SYN2: variants seen among roughly 807,000 people sequenced by gnomAD.
SYN2 encodes the protein synapsin-2.
SYN2 carries 19 observed loss-of-function variants against 50.9 expected under a neutral mutation model. The observed-to-expected ratio is 0.37, with a 90% confidence interval of 0.26 to 0.55. The LOEUF is 0.55. Ranked by LOEUF, SYN2 falls within the 20% of genes least tolerant of loss-of-function variation. SYN2 has a pLI of 0.81. For synonymous variants in SYN2, 255 were observed against 224.9 expected, an observed-to-expected ratio of 1.13 and a Z score of -1.20; for missense variants, 587 against 576.4, an observed-to-expected ratio of 1.02 and a Z score of -0.19.
intron 1 of SYN2, among the ~76,000 whole-genome samples, chr3:12,040,016 A>G (rs1057476105): frequency 1.3e-5 from 2 of 152,282 alleles, no homozygotes; most frequent in African/African-American, 4.8e-5. Flanking sequence ...AATACTCATT[A>G]TTTACTTAGC....
At chr3:12,115,965 G>C (rs1696425226) in intron 1 of SYN2, among the ~76,000 whole-genome samples, 1 of 152,084 alleles carries the variant, frequency 6.6e-6, no homozygotes, top group Admixed American at 6.6e-5. Flanking sequence ...TTCACTTTTA[G>C]GTAAGTGCCT....
At chr3:12,020,346 T>TA (rs1362323077) in intron 1 of SYN2, among the ~76,000 whole-genome samples, 3 of 135,384 alleles carry the variant, frequency 2.2e-5, no homozygotes, top group African/African-American at 8.1e-5. Context: ...CCCACATAAT[T>TA]AGTCCCTCTT....
intron 1 of SYN2, among the ~76,000 whole-genome samples, chr3:12,018,689 T>C (rs944442833): frequency 6.6e-6 from 1 of 152,234 alleles, no homozygotes; most frequent in African/African-American, 2.4e-5. Flanking sequence ...GCTATTCTTC[T>C]CTGAATCTCA....
At chr3:12,013,362 G>T (rs191569393) in intron 1 of SYN2, among the ~76,000 whole-genome samples, 1 of 151,956 alleles carries the variant, frequency 6.6e-6, no homozygotes, top group African/African-American at 2.4e-5. Context: ...ATGTTCCTCC[G>T]GGCCCCCTTT....
At chr3:12,082,002 G>A (rs1462447319) in intron 1 of SYN2, among the ~76,000 whole-genome samples, 2 of 152,120 alleles carry the variant, frequency 1.3e-5, no homozygotes, top group African/African-American at 4.8e-5. Context: ...ATGTGTGTTG[G>A]GGATCCCCAG....
chr3:12,104,468 A>G (rs1370002540), intron 1 of SYN2, among the ~76,000 whole-genome samples: 5 of 151,856 alleles, frequency 3.3e-5, no homozygotes, highest in Non-Finnish European at 7.4e-5. Context: ...GAGCAATGTG[A>G]TTAATATGTA....
Position 12,101,178 on chromosome 3 carries a change from G to A in SYN2, c.378-39473G>A, listed in dbSNP as rs187506758. The stretch of plus-strand genomic sequence containing the variant: ...TATATATCCACGCAAAAACTTGTAC[G>A]TGAAAAATTCTCATGACAGCATGGT... On this transcript the variant is annotated intron_variant, in intron 1 of 12. Transcript: ENST00000621198. Among the ~76,000 whole-genome samples, 12 of 152,268 alleles carry A rather than the reference G, an allele frequency of 7.9e-5. No individual in the cohort carries two copies. The East Asian group carries it at 1.7e-3, about 22-fold the overall frequency.
At chr3:12,048,155 C>G (rs1419789754) in intron 1 of SYN2, among the ~76,000 whole-genome samples, 18 of 151,962 alleles carry the variant, frequency 1.2e-4, no homozygotes, top group Admixed American at 1.2e-3. Flanking sequence ...TTTTACTTTC[C>G]CAAGGGCTTA....
intron 1 of SYN2, among the ~76,000 whole-genome samples, chr3:12,006,388 C>T (rs556677470): frequency 4.2e-4 from 64 of 152,250 alleles, no homozygotes; most frequent in African/African-American, 1.5e-3. Context: ...CCACTGGCAG[C>T]CCTCCTTAGA....
intron 10 of SYN2, among the ~76,000 whole-genome samples, chr3:12,181,784 C>T (rs533500339): frequency 1.4e-4 from 22 of 152,068 alleles, no homozygotes; most frequent in Non-Finnish European, 2.4e-4. Context: ...CAAAGTTAGT[C>T]CAGGGAAGAT....
intron 4 of SYN2, chr3:12,148,536 C>A (rs1275075136): frequency 6.6e-6 from 1 of 152,306 alleles, no homozygotes; most frequent in Non-Finnish European, 1.5e-5. Context: ...CTCTGCCTTG[C>A]ACAGCTGTGT....
In SYN2 at chr3:12,069,812, G is replaced by GT. The variant is rs1216470059; in HGVS notation, c.377+64896dup. 2.2e-3 allele frequency among the ~76,000 whole-genome samples: 308 copies of GT among 141,940 alleles called. 1 individual carries two copies. Among genetic ancestry groups the GT allele is most frequent in the East Asian group, 7.7e-3 (38 of 4,934 alleles). 93.1% of individuals were successfully genotyped at this position (141,940 alleles called of 152,430 possible). ...GTTTTGTTTATTTGTTTTGTTTTGG[G>GT]TTTTTTTTTTTTGAGACAGAGTCTC... On this transcript the variant is annotated intron_variant, in intron 1 of 12. Transcript: ENST00000621198.
Position 12,112,008 on chromosome 3 carries a change from T to G in SYN2, c.378-28643T>G, listed in dbSNP as rs1348270045. ...CAACTTTCAGAAACTTCTTAGGACA[T>G]TGGCAGAAACTCTGAGGTGAGACCC... is the stretch of plus-strand genomic sequence containing the variant. On this transcript the variant is annotated intron_variant, in intron 1 of 12. Coordinates refer to ENST00000621198, the MANE Select transcript of SYN2 (RefSeq NM_133625.6). Among the ~76,000 whole-genome samples, 3 of 152,150 alleles carry G rather than the reference T, an allele frequency of 2.0e-5. No homozygotes were observed. The East Asian group carries it at 5.8e-4, about 29-fold the overall frequency.
At chr3:12,104,278 A>G (rs1696132865) in intron 1 of SYN2, among the ~76,000 whole-genome samples, 1 of 152,172 alleles carries the variant, frequency 6.6e-6, no homozygotes, top group Admixed American at 6.5e-5. Flanking sequence ...CAGACAAAAT[A>G]TGTGTAAGGC....
chr3:12,074,046 A>G (rs546027959), intron 1 of SYN2, among the ~76,000 whole-genome samples: 2 of 152,266 alleles, frequency 1.3e-5, no homozygotes, highest in Admixed American at 1.3e-4. Context: ...CATGTTCCAG[A>G]GTAGTTCTAT....
At chr3:12,036,497 G>A (rs945868130) in intron 1 of SYN2, among the ~76,000 whole-genome samples, 1 of 152,176 alleles carries the variant, frequency 6.6e-6, no homozygotes, top group Non-Finnish European at 1.5e-5. Context: ...TTGAACCACA[G>A]CTGGGGAGTC....
intron 1 of SYN2, among the ~76,000 whole-genome samples, chr3:12,061,927 TTAAGA>T (rs1206565701): frequency 7.2e-5 from 11 of 152,064 alleles, no homozygotes; most frequent in Admixed American, 2.6e-4. Context: ...CTCAATATTG[TTAAGA>T]TGTCAAGTCT....
At chr3:12,128,987 C>T (rs765372438) in intron 1 of SYN2, among the ~76,000 whole-genome samples, 33 of 151,974 alleles carry the variant, frequency 2.2e-4, no homozygotes, top group Non-Finnish European at 7.4e-5. Flanking sequence ...ATGGAGCTTA[C>T]ATTTTGGTTG....
At chr3:12,039,549 ATTTTTTTTTTT>A (rs60746238) in intron 1 of SYN2, among the ~76,000 whole-genome samples, 25 of 117,998 alleles carry the variant, frequency 2.1e-4, no homozygotes, top group Non-Finnish European at 3.4e-4. Context: ...AGAAGCAAAG[ATTTTTTTTTTT>A]TTTTTTTTTT....
Sources: gnomAD v4.1 joint callset for allele counts (sites outside exome capture counted in the v4.1 genomes callset) on GRCh38, gnomAD v4.1.1 for gene constraint, MANE v1.5 for transcripts, NCBI Gene and HGNC (gene_info 2026-07-23, HGNC 2026-07-21) for gene names.